Variants in PKIB observed in about 807,000 individuals in gnomAD.
PKIB encodes the protein cAMP-dependent protein kinase inhibitor beta.
PKIB carries 2 observed loss-of-function variants against 4.5 expected under a neutral mutation model. The ratio of observed to expected loss-of-function variants is 0.44; its 90% CI spans 0.18 to 1.39. PKIB has a LOEUF of 1.39. Ranked by LOEUF, PKIB falls within the 40% of genes most tolerant of loss-of-function variation. PKIB has a pLI of 0.27. For missense variants in PKIB, 94 were observed against 92.6 expected (o/e 1.02, Z -0.06); for synonymous variants, 38 against 36.0 (o/e 1.06, Z -0.20).
intron 2 of PKIB, among the ~76,000 whole-genome samples, chr6:122,571,708 C>G (rs1408476246): frequency 6.6e-6 from 1 of 152,142 alleles, no homozygotes; most frequent in African/African-American, 2.4e-5. Context: ...ACTACCAAAC[C>G]AGCACTACAA....
At chr6:122,660,865 C>A (rs1454763861) in intron 2 of PKIB, among the ~76,000 whole-genome samples, 1 of 152,132 alleles carries the variant, frequency 6.6e-6, no homozygotes, top group East Asian at 1.9e-4. Context: ...TATTACCATT[C>A]ATCTCAAGAC....
intron 3 of PKIB, among the ~76,000 whole-genome samples, chr6:122,703,588 A>G (rs978860083): frequency 1.3e-5 from 2 of 152,034 alleles, no homozygotes; most frequent in African/African-American, 4.8e-5. Flanking sequence ...AAATAAAAAT[A>G]TGATAATTGG....
intron 3 of PKIB, chr6:122,701,539 A>G: frequency 1.3e-6 from 2 of 1,584,446 alleles, no homozygotes; most frequent in Non-Finnish European, 1.7e-6. Context: ...GGACAAGAGC[A>G]TTGCAGAGTT....
At chr6:122,510,258 G>A (rs1037557699) in intron 2 of PKIB, among the ~76,000 whole-genome samples, 2 of 151,926 alleles carry the variant, frequency 1.3e-5, no homozygotes, top group Admixed American at 6.6e-5. Flanking sequence ...TGAATAAGTT[G>A]GTTTTTATTT....
intron 3 of PKIB, among the ~76,000 whole-genome samples, chr6:122,711,485 C>G (rs577410621): frequency 6.6e-6 from 1 of 152,154 alleles, no homozygotes; most frequent in Non-Finnish European, 1.5e-5. Flanking sequence ...TTTATTAGTC[C>G]TTTTGGGAAT....
intron 1 of PKIB, among the ~76,000 whole-genome samples, chr6:122,626,134 G>A (rs773748209): frequency 1.1e-4 from 17 of 152,048 alleles, no homozygotes; most frequent in Non-Finnish European, 2.5e-4. Flanking sequence ...AAAATTAATA[G>A]TAGGTAAATC....
intron 3 of PKIB, among the ~76,000 whole-genome samples, chr6:122,677,575 A>G (rs1777721978): frequency 6.6e-6 from 1 of 152,136 alleles, no homozygotes; most frequent in African/African-American, 2.4e-5. Context: ...ACCCTTGGCT[A>G]TGTAGCTGCT....
intron 3 of PKIB, among the ~76,000 whole-genome samples, chr6:122,677,260 A>G (rs1019904385): frequency 2.6e-5 from 4 of 152,182 alleles, no homozygotes; most frequent in Admixed American, 1.3e-4. Context: ...CTAGGGCTCT[A>G]TCTTGGAGCT....
chr6:122,517,839 C>G (rs1217874144), intron 2 of PKIB, among the ~76,000 whole-genome samples: 1 of 152,184 alleles, frequency 6.6e-6, no homozygotes, highest in African/African-American at 2.4e-5. Flanking sequence ...GTGATATTAA[C>G]ATCATTCTCA....
At chr6:122,687,962 G>A (rs554133152) in intron 3 of PKIB, among the ~76,000 whole-genome samples, 18 of 151,406 alleles carry the variant, frequency 1.2e-4, no homozygotes, top group Non-Finnish European at 2.5e-4. Context: ...TTTATTTAAT[G>A]GCTCTAGCTA....
chr6:122,545,264 G>GA (rs1271583195), intron 2 of PKIB, among the ~76,000 whole-genome samples: 9 of 151,770 alleles, frequency 5.9e-5, no homozygotes, highest in East Asian at 3.9e-4. Context: ...TGGACTGGAT[G>GA]AAAAAAAATG....
At chr6:122,628,520 T>C (rs1231101914) in intron 1 of PKIB, among the ~76,000 whole-genome samples, 3 of 152,204 alleles carry the variant, frequency 2.0e-5, no homozygotes, top group Non-Finnish European at 4.4e-5. Context: ...AGCTTCAGTT[T>C]TGTCATTTGC....
intron 2 of PKIB, among the ~76,000 whole-genome samples, chr6:122,576,643 T>C (rs1300831392): frequency 1.8e-5 from 2 of 110,642 alleles, no homozygotes; most frequent in African/African-American, 3.6e-5. Context: ...CACTCCAGCC[T>C]GAGCGACAGA....
intron 1 of PKIB, among the ~76,000 whole-genome samples, chr6:122,611,856 T>C (rs1206265056): frequency 6.6e-6 from 1 of 152,236 alleles, no homozygotes; most frequent in Non-Finnish European, 1.5e-5. Context: ...TGCCGGGTGC[T>C]GGTCAATGCC....
rs1230125457 is a variant in PKIB, at chr6:122,675,162, CTTT to C, written c.-9+19_-9+21del. ...AGAGATTTGTAAGTATCCTTTTCTT[CTTT>C]ATTTAGGAAATTATATGTTGATTTT... is the stretch of plus-strand genomic sequence containing the variant. On this transcript the variant is annotated intron_variant, in intron 3 of 4. Transcript: ENST00000368452. The C allele has an allele frequency of 4.6e-5, 7 of 152,350 alleles. No homozygotes were observed. In the South Asian group the frequency reaches 1.5e-3, roughly 32 times the overall value. The allele number at this position is 152,350 out of a possible 1,614,324, so 9.4% of individuals were successfully genotyped here.
intron 2 of PKIB, among the ~76,000 whole-genome samples, chr6:122,543,030 T>A (rs1305581408): frequency 1.3e-5 from 2 of 151,704 alleles, no homozygotes; most frequent in African/African-American, 4.9e-5. Context: ...GTGTGGGATA[T>A]AATCTCCTGG....
intron 2 of PKIB, among the ~76,000 whole-genome samples, chr6:122,512,885 C>A (rs1217416216): frequency 1.3e-5 from 2 of 152,194 alleles, no homozygotes; most frequent in Non-Finnish European, 2.9e-5. Context: ...ATTTAAACTA[C>A]CATTTTTAAT....
intron 1 of PKIB, among the ~76,000 whole-genome samples, chr6:122,620,873 C>A (rs1023616277): frequency 5.3e-5 from 8 of 152,094 alleles, no homozygotes; most frequent in Non-Finnish European, 8.8e-5. Flanking sequence ...ATTTTAGTTG[C>A]AGCAAAGATT....
intron 1 of PKIB, among the ~76,000 whole-genome samples, chr6:122,622,165 G>A (rs1582747386): frequency 1.3e-5 from 2 of 152,108 alleles, no homozygotes; most frequent in South Asian, 4.1e-4. Context: ...GAATAAGTTT[G>A]CCATAAGAAT....
Sources: allele counts gnomAD v4.1 joint callset (sites outside exome capture counted in the v4.1 genomes callset), GRCh38; gene constraint gnomAD v4.1.1; transcripts MANE v1.5; gene names NCBI Gene and HGNC (gene_info 2026-07-23, HGNC 2026-07-21).